PFDN1: variants seen among roughly 807,000 people sequenced by gnomAD.
The protein encoded by PFDN1 is prefoldin subunit 1, also known as prefoldin 1.
Under a neutral mutation model 17.3 loss-of-function variants are expected in PFDN1, and 6 were observed. The observed-to-expected ratio is 0.35, with a 90% CI of 0.19 to 0.69. PFDN1 has a LOEUF of 0.69. Ranked by LOEUF, PFDN1 falls within the 30% of genes least tolerant of loss-of-function variation. PFDN1 has a pLI of 0.65. For missense variants in PFDN1, 113 were observed against 146.2 expected (o/e 0.77, Z 1.17); for synonymous variants, 58 against 50.1 (o/e 1.16, Z -0.67).
rs185093861 is a variant in PFDN1 at position 140,273,371 on chromosome 5, C to T, written c.285+8078G>A. Among the ~76,000 whole-genome samples the T allele has an allele frequency of 2.6e-5, 4 of 152,240 alleles. No individual in the cohort carries two copies. In the East Asian group the frequency reaches 7.7e-4, roughly 29 times the overall value. The stretch of plus-strand genomic sequence containing the variant: ...CACCAATAGTACCAGCTCAAAAATG[C>T]AGTACTTAGGGCAAAACTGGACATC... On this transcript the variant is annotated intron_variant, in intron 3 of 3. Coordinates refer to ENST00000261813, the MANE Select transcript of PFDN1 (RefSeq NM_002622.5).
intron 2 of PFDN1, among the ~76,000 whole-genome samples, chr5:140,286,597 C>G (rs1765495225): frequency 1.1e-4 from 3 of 27,344 alleles, no homozygotes; most frequent in African/African-American, 3.7e-4. Context: ...ATTTTTTTTG[C>G]GGGGGGGGGG....
intron 3 of PFDN1, among the ~76,000 whole-genome samples, chr5:140,272,633 C>T (rs1439869183): frequency 1.3e-5 from 2 of 152,138 alleles, no homozygotes; most frequent in African/African-American, 4.8e-5. Context: ...GCTGGGATTA[C>T]AGGCATGAGC....
chr5:140,249,894 C>T (rs1764888244), intron 3 of PFDN1, among the ~76,000 whole-genome samples: 1 of 152,176 alleles, frequency 6.6e-6, no homozygotes, highest in African/African-American at 2.4e-5. Context: ...CAGGCCCCAC[C>T]TTCAACACTG....
intron 3 of PFDN1, among the ~76,000 whole-genome samples, chr5:140,261,740 T>A (rs1765068450): frequency 6.6e-6 from 1 of 152,020 alleles, no homozygotes; most frequent in Non-Finnish European, 1.5e-5. Context: ...GTGACACCTG[T>A]CAATATCACC....
At position 140,246,042 on chromosome 5, in the gene PFDN1, G is replaced by A. The variant is rs1050126891; in HGVS notation, c.301C>T (p.Leu101=). 1 of 1,559,100 alleles carries A rather than the reference G, an allele frequency of 6.4e-7. No individual in the cohort carries two copies. Among genetic ancestry groups the A allele is most frequent in the Non-Finnish European group, 8.7e-7 (1 of 1,149,662 alleles). ...TCAGCTTCCTTAACGCTTCGCTCCA[G>A]GTAGGACTTTTTCTGCTGCAATATG... ...IKELEQKKSY[L]ERSVKEAEDN... The change falls in exon 4 of 4, where the codon CTG becomes TTG. Residue 101 remains leucine (L), a synonymous_variant. Coordinates refer to ENST00000261813, the MANE Select transcript of PFDN1 (RefSeq NM_002622.5).
At chr5:140,280,433 G>GT (rs905259884) in intron 3 of PFDN1, among the ~76,000 whole-genome samples, 1 of 152,012 alleles carries the variant, frequency 6.6e-6, no homozygotes, top group Non-Finnish European at 1.5e-5. Context: ...TCTTTACTTG[G>GT]TTTTTTTGCT....
chr5:140,250,109 C>T (rs1411832430), intron 3 of PFDN1, among the ~76,000 whole-genome samples: 3 of 152,174 alleles, frequency 2.0e-5, no homozygotes, highest in Non-Finnish European at 4.4e-5. Context: ...AATGGCCACA[C>T]CTCCTAACAC....
chr5:140,280,127 C>T (rs1490114065), intron 3 of PFDN1, among the ~76,000 whole-genome samples: 2 of 151,450 alleles, frequency 1.3e-5, no homozygotes, highest in African/African-American at 4.9e-5. Context: ...TATATCCTTA[C>T]ATATCATCTT....
intron 3 of PFDN1, among the ~76,000 whole-genome samples, chr5:140,271,586 T>G (rs1765206100): frequency 6.6e-6 from 1 of 152,192 alleles, no homozygotes; most frequent in Non-Finnish European, 1.5e-5. Context: ...GTAAACGTTT[T>G]ATACTTCTTC....
chr5:140,270,958 A>C (rs1315474523), intron 3 of PFDN1, among the ~76,000 whole-genome samples: 1 of 152,144 alleles, frequency 6.6e-6, no homozygotes, highest in African/African-American at 2.4e-5. Flanking sequence ...TGAACTGCTT[A>C]CATCTAAGTT....
At chr5:140,270,639 C>CCA (rs1765192577) in intron 3 of PFDN1, among the ~76,000 whole-genome samples, 1 of 151,926 alleles carries the variant, frequency 6.6e-6, no homozygotes, top group African/African-American at 2.4e-5. Flanking sequence ...AAGAACCAAT[C>CCA]TATGGGCCAG....
intron 2 of PFDN1, among the ~76,000 whole-genome samples, chr5:140,285,162 G>A (rs1256891735): frequency 6.6e-6 from 1 of 152,032 alleles, no homozygotes; most frequent in Non-Finnish European, 1.5e-5. Context: ...AATTTTTAGA[G>A]GGTGTCTAAA....
rs539052034 is a variant in PFDN1, at chr5:140,250,473, A to G, written c.286-4416T>C. On this transcript the variant is annotated intron_variant, in intron 3 of 3. Transcript: ENST00000261813. ...GGCCTTCTTGAGTACATGCTGCCCA[A>G]TACTCCCTATTCTCCTCACCTTGAC... Among the ~76,000 whole-genome samples the G allele has an allele frequency of 3.0e-4, 45 of 152,254 alleles. No homozygotes were observed. In the South Asian group the frequency reaches 8.5e-3, roughly 29 times the overall value.
intron 3 of PFDN1, among the ~76,000 whole-genome samples, chr5:140,247,949 A>G (rs1764855806): frequency 6.6e-6 from 1 of 152,138 alleles, no homozygotes. Flanking sequence ...CATGATAACC[A>G]TTCAATCCAA....
intron 3 of PFDN1, among the ~76,000 whole-genome samples, chr5:140,270,861 G>C (rs1304897807): frequency 2.0e-5 from 3 of 152,118 alleles, no homozygotes; most frequent in African/African-American, 7.2e-5. Flanking sequence ...GGGAGGTGGA[G>C]CTTGCAGTGA....
intron 2 of PFDN1, among the ~76,000 whole-genome samples, chr5:140,292,507 G>T (rs1231136946): frequency 6.6e-6 from 1 of 152,116 alleles, no homozygotes; most frequent in African/African-American, 2.4e-5. Context: ...ATACATTTTT[G>T]ATACTAGACT....
intron 2 of PFDN1, among the ~76,000 whole-genome samples, chr5:140,288,715 T>G (rs1183076812): frequency 1.3e-5 from 2 of 152,196 alleles, no homozygotes; most frequent in Non-Finnish European, 2.9e-5. Context: ...CCGTGCACGG[T>G]GGCTCATGCC....
At chr5:140,257,885 A>G (rs964019175) in intron 3 of PFDN1, among the ~76,000 whole-genome samples, 1 of 152,244 alleles carries the variant, frequency 6.6e-6, no homozygotes, top group African/African-American at 2.4e-5. Context: ...TGGAGGAAAC[A>G]TCTGATGGAA....
At chr5:140,294,646 A>G (rs1298773557) in intron 2 of PFDN1, among the ~76,000 whole-genome samples, 1 of 152,126 alleles carries the variant, frequency 6.6e-6, no homozygotes, top group African/African-American at 2.4e-5. Flanking sequence ...TGTCATAAAG[A>G]GTTCAGATTT....
Sources: gnomAD v4.1 joint callset for allele counts (sites outside exome capture counted in the v4.1 genomes callset) on GRCh38, gnomAD v4.1.1 for gene constraint, MANE v1.5 for transcripts, NCBI Gene and HGNC (gene_info 2026-07-23, HGNC 2026-07-21) for gene names.